The following NEMP2 variants were observed in gnomAD, a reference collection of about 807,000 sequenced individuals.
NEMP2 encodes nuclear envelope integral membrane protein 2.
A neutral mutation model predicts 54.2 loss-of-function variants in NEMP2; 53 were observed. The observed-to-expected ratio is 0.98, with a 90% CI of 0.78 to 1.23. The LOEUF is 1.23. NEMP2 is among the 50% of genes most tolerant of loss of function. The probability of loss-of-function intolerance (pLI) is 0.00; values close to 1 mark genes in which losing one functional copy is unlikely to be tolerated. For synonymous variants in NEMP2, 197 were observed against 190.3 expected, an observed-to-expected ratio of 1.04 and a Z score of -0.29; for missense variants, 455 against 511.3, an observed-to-expected ratio of 0.89 and a Z score of 1.06.
At chr2:190,450,031 T>C in the NEMP2 span, among the ~76,000 whole-genome samples, 2 of 151,378 alleles carry the variant, frequency 1.3e-5, no homozygotes, top group Non-Finnish European at 2.9e-5. Flanking sequence ...AAAATAAAAT[T>C]AAAAAAAAGA....
At chr2:190,450,488 C>CTTTTTTTTTTTTT in the NEMP2 span, among the ~76,000 whole-genome samples, 26 of 97,254 alleles carry the variant, frequency 2.7e-4, 2 homozygotes, top group South Asian at 3.9e-4. Context: ...TCTCTTTTTC[C>CTTTTTTTTTTTTT]TTTTTTTTTT....
At chr2:190,567,265 G>A in the NEMP2 span, among the ~76,000 whole-genome samples, 1 of 151,258 alleles carries the variant, frequency 6.6e-6, no homozygotes, top group Non-Finnish European at 1.5e-5. The surrounding 1 kb of genome is among the most constrained non-coding windows in gnomAD (Gnocchi z 4.0). Flanking sequence ...AAGATGAGTA[G>A]ATTAACAATA....
chr2:190,449,866 G>A, the NEMP2 span, among the ~76,000 whole-genome samples: 1 of 152,070 alleles, frequency 6.6e-6, no homozygotes, highest in South Asian at 2.1e-4. Context: ...GACTGTTGTG[G>A]GGTGGGGGAA....
At chr2:190,436,835 CT>C in the NEMP2 span, 1 of 1,614,236 alleles carries the variant, frequency 6.2e-7, no homozygotes, top group Non-Finnish European at 8.5e-7. This position sits in a 1 kb window ranked among gnomAD's most constrained non-coding sequence, Gnocchi z 5.3. Flanking sequence ...ACCACCAAAT[CT>C]TTACCTTCTG....
the NEMP2 span, among the ~76,000 whole-genome samples, chr2:190,571,590 A>G: frequency 0.25 from 37,733 of 151,784 alleles, 5,472 homozygotes; most frequent in Non-Finnish European, 0.33. Flanking sequence ...CTTTAGACTC[A>G]TAAGTAGCTG....
chr2:190,468,995 C>A, the NEMP2 span, among the ~76,000 whole-genome samples: 1 of 152,086 alleles, frequency 6.6e-6, no homozygotes, highest in East Asian at 1.9e-4. Flanking sequence ...CAGTTCAGAA[C>A]GAGAGACTGA....
At chr2:190,476,541 AAGTC>A in the NEMP2 span, among the ~76,000 whole-genome samples, 19 of 152,220 alleles carry the variant, frequency 1.2e-4, no homozygotes, top group African/African-American at 3.6e-4. Context: ...AATCATTAAA[AAGTC>A]AGGGAACAAC....
the NEMP2 span, among the ~76,000 whole-genome samples, chr2:190,449,639 GATT>G: frequency 6.7e-6 from 1 of 149,158 alleles, no homozygotes; most frequent in Non-Finnish European, 1.5e-5. Context: ...TGATAGACTG[GATT>G]AAGAAAATGT....
the NEMP2 span, among the ~76,000 whole-genome samples, chr2:190,471,979 G>T: frequency 6.6e-6 from 1 of 152,182 alleles, no homozygotes; most frequent in African/African-American, 2.4e-5. This position sits in a 1 kb window ranked among gnomAD's most constrained non-coding sequence, Gnocchi z 4.7. Flanking sequence ...CAGGCAAACA[G>T]GGTCTGGAGT....
At chr2:190,499,857 G>C (rs1689932488), downstream of NEMP2, 1 of 1,549,074 alleles carries the variant, frequency 6.5e-7, no homozygotes, top group African/African-American at 1.4e-5. This position sits in a 1 kb window ranked among gnomAD's most constrained non-coding sequence, Gnocchi z 6.0. Flanking sequence ...GAGATGAAAG[G>C]TAAGACATTC....
In NEMP2 at chr2:190,527,875, G is replaced by GT. The variant is rs1312011564; in HGVS notation, c.98-2498_98-2497insA. On this transcript the variant is annotated intron_variant, in intron 1 of 8. Coordinates refer to ENST00000409150, the MANE Select transcript of NEMP2 (RefSeq NM_001142645.2). This position sits in a 1 kb window ranked among gnomAD's most constrained non-coding sequence, Gnocchi z 4.0. ...TGTTATGATAATCTAACTAATGCCT[G>GT]ATGATCTGAGGTGGAACAGTTTCAT... Among the ~76,000 whole-genome samples, 3 of 152,132 alleles carry GT rather than the reference G, an allele frequency of 2.0e-5. No individual in the cohort carries two copies. The highest frequency in any genetic ancestry group is 4.4e-5 in the Non-Finnish European group (3 of 68,026).
rs1038616991 is a variant in NEMP2 at position 190,508,001 on chromosome 2, T to G, written c.*1188A>C. ...CTTTCCTCAGATCTATGTTTTGGCC[T>G]TCTTTCCTCAGGGTCAAAGCTCATA... On this transcript the variant is annotated 3_prime_UTR_variant, in exon 9 of 9. Transcript: ENST00000409150. This position sits in a 1 kb window ranked among gnomAD's most constrained non-coding sequence, Gnocchi z 4.3. 1 of 152,240 alleles carries G rather than the reference T, an allele frequency of 6.6e-6. No individual in the cohort carries two copies. Among genetic ancestry groups the G allele is most frequent in the Non-Finnish European group, 1.5e-5 (1 of 68,046 alleles). The allele number at this position is 152,240 out of a possible 1,614,324, so 9.4% of individuals were successfully genotyped here. A position where few individuals can be genotyped will look rare whatever the true frequency, so the allele number is the denominator to read the frequency against.
chr2:190,501,923 G>A (rs1424884330), downstream of NEMP2: 1 of 152,582 alleles, frequency 6.6e-6, no homozygotes, highest in Non-Finnish European at 1.5e-5. Context: ...CCTCACCTAT[G>A]AATGTACAGT....
chr2:190,480,749 T>C, the NEMP2 span, among the ~76,000 whole-genome samples: 1 of 152,196 alleles, frequency 6.6e-6, no homozygotes, highest in African/African-American at 2.4e-5. Context: ...CCACAGACTC[T>C]TGAGTTATAG....
At chr2:190,478,114 T>C in the NEMP2 span, among the ~76,000 whole-genome samples, 1 of 152,212 alleles carries the variant, frequency 6.6e-6, no homozygotes, top group African/African-American at 2.4e-5. Context: ...TCCCAGGATT[T>C]AGGGAGCTGG....
the NEMP2 span, among the ~76,000 whole-genome samples, chr2:190,438,546 GTTTCTTGTTGT>G: frequency 2.6e-5 from 4 of 152,166 alleles, no homozygotes; most frequent in Admixed American, 2.6e-4. This position sits in a 1 kb window ranked among gnomAD's most constrained non-coding sequence, Gnocchi z 5.2. Flanking sequence ...AGTGCCTAGT[GTTTCTTGTTGT>G]GTACTATTTC....
chr2:190,534,536 C>T, intron 1 of NEMP2, 23 bp downstream of exon 1: 2 of 1,385,252 alleles, frequency 1.4e-6, no homozygotes, highest in Non-Finnish European at 1.9e-6. Flanking sequence ...ACGCGCGCGC[C>T]GCCGCCGCCG....
chr2:190,503,534 C>T (rs545442684), downstream of NEMP2, among the ~76,000 whole-genome samples: 148 of 152,320 alleles, frequency 9.7e-4, 2 homozygotes, highest in African/African-American at 3.4e-3. The surrounding 1 kb of genome is among the most constrained non-coding windows in gnomAD (Gnocchi z 6.3). Context: ...CCTGTTTCCT[C>T]AGCTTCAGTG....
At chr2:190,625,968 T>G in the NEMP2 span, 1 of 152,786 alleles carries the variant, frequency 6.5e-6, no homozygotes. Flanking sequence ...AAAAATACTA[T>G]AGACTGGGTG....
Sources: allele counts gnomAD v4.1 joint callset (sites outside exome capture counted in the v4.1 genomes callset), GRCh38; gene constraint gnomAD v4.1.1; non-coding constraint Gnocchi (gnomAD v3.1); transcripts MANE v1.5; gene names NCBI Gene and HGNC (gene_info 2026-07-23, HGNC 2026-07-21).